DOCK8: variants seen among roughly 807,000 people sequenced by gnomAD.
DOCK8 encodes dedicator of cytokinesis 8, also known as dedicator of cytokinesis protein 8.
Under a neutral mutation model 245.6 loss-of-function variants are expected in DOCK8, and 141 were observed. The observed-to-expected ratio is 0.57, with a 90% CI of 0.50 to 0.66. The LOEUF (loss-of-function observed/expected upper bound fraction) is 0.66. Ranked by LOEUF, DOCK8 falls within the 30% of genes least tolerant of loss-of-function variation. The probability of loss-of-function intolerance (pLI) is 0.00; values close to 1 mark genes in which losing one functional copy is unlikely to be tolerated. For missense variants in DOCK8, 2,965 were observed against 2,603.4 expected, an observed-to-expected ratio of 1.14 and a Z score of -3.02; for synonymous variants, 1,168 against 970.2, an observed-to-expected ratio of 1.20 and a Z score of -3.79.
At chr9:288,290 T>C (rs533689565) in intron 3 of DOCK8, among the ~76,000 whole-genome samples, 17 of 152,254 alleles carry the variant, frequency 1.1e-4, no homozygotes, top group Admixed American at 6.5e-5. Context: ...GAACAACCTG[T>C]GCCTAGCCCA....
At chr9:345,905 G>A (rs1039382922) in intron 14 of DOCK8, among the ~76,000 whole-genome samples, 6 of 152,010 alleles carry the variant, frequency 3.9e-5, no homozygotes, top group African/African-American at 1.5e-4. Flanking sequence ...ATCCCCGTGG[G>A]TCCGTGAGGG....
intron 18 of DOCK8, among the ~76,000 whole-genome samples, chr9:374,024 G>A (rs1005348620): frequency 2.0e-5 from 3 of 152,202 alleles, no homozygotes; most frequent in Non-Finnish European, 2.9e-5. Context: ...ATGTTGGTGA[G>A]TTGCTTACCC....
rs1033171603 is a variant in DOCK8, at chr9:464,317, T to C, written c.*98T>C. 2.0e-6 allele frequency: 2 copies of C among 1,001,356 alleles called. No homozygotes were observed. The highest frequency in any genetic ancestry group is 1.7e-5 in the Admixed American group (1 of 58,636). The allele number at this position is 1,001,356 out of a possible 1,614,324, so 62.0% of individuals were successfully genotyped here. ...GGGACATTTGCCACCCAGGACTGACTGTACACTCCCTGATCAGCCAGCACT... is the reference window on the plus strand; with the variant it reads ...GGGACATTTGCCACCCAGGACTGACCGTACACTCCCTGATCAGCCAGCACT... On this transcript the variant is annotated 3_prime_UTR_variant, in exon 48 of 48. Transcript: ENST00000432829.
intron 1 of DOCK8, among the ~76,000 whole-genome samples, chr9:223,317 T>C (rs2046924266): frequency 1.3e-5 from 2 of 152,204 alleles, no homozygotes; most frequent in African/African-American, 2.4e-5. Context: ...ATTCATTTGT[T>C]CACTCATGCC....
At chr9:242,103 A>G (rs186853935) in intron 1 of DOCK8, among the ~76,000 whole-genome samples, 1 of 152,320 alleles carries the variant, frequency 6.6e-6, no homozygotes, top group South Asian at 2.1e-4. Flanking sequence ...CCTTAGACGA[A>G]TCATACATTT....
Position 333,414 on chromosome 9 carries a change from A to T in DOCK8, c.1126-811A>T, listed in dbSNP as rs530320401. On this transcript the variant is annotated intron_variant, in intron 10 of 47. Coordinates refer to ENST00000432829, the MANE Select transcript of DOCK8 (RefSeq NM_203447.4). ...CAGAAGATTGAGACCATCCTGGCCA[A>T]CACGGTGAAACCCCGTCTCTGCTAA... Among the ~76,000 whole-genome samples the T allele has an allele frequency of 2.6e-5, 4 of 152,254 alleles. No individual in the cohort carries two copies. The South Asian group carries it at 6.2e-4, about 24-fold the overall frequency.
chr9:273,231 C>T, intron 2 of DOCK8: 1 of 630,132 alleles, frequency 1.6e-6, no homozygotes, highest in Non-Finnish European at 2.0e-6. Flanking sequence ...GCCATTTTTT[C>T]AGAAAATCTA....
chr9:312,565 C>G (rs981837241), intron 6 of DOCK8: 8 of 374,906 alleles, frequency 2.1e-5, no homozygotes, highest in Non-Finnish European at 3.6e-5. Flanking sequence ...TTCTTTAGTG[C>G]TTTGTTACTT....
intron 1 of DOCK8, among the ~76,000 whole-genome samples, chr9:256,786 A>G (rs2047786697): frequency 6.7e-6 from 1 of 150,064 alleles, no homozygotes; most frequent in South Asian, 2.1e-4. Flanking sequence ...TTCAGTGCAC[A>G]TCAGAATAGA....
intron 5 of DOCK8, among the ~76,000 whole-genome samples, chr9:305,599 T>C (rs2049790218): frequency 6.6e-6 from 1 of 152,198 alleles, no homozygotes; most frequent in Non-Finnish European, 1.5e-5. Context: ...GTCATTATTC[T>C]TATAAAGTAA....
chr9:431,296 G>T (rs1418023333), intron 36 of DOCK8, among the ~76,000 whole-genome samples: 1 of 152,166 alleles, frequency 6.6e-6, no homozygotes, highest in Non-Finnish European at 1.5e-5. Context: ...TTGTGGCCAT[G>T]TTAATAAGTA....
intron 33 of DOCK8, among the ~76,000 whole-genome samples, chr9:422,806 G>A (rs1027063629): frequency 2.0e-5 from 3 of 152,090 alleles, no homozygotes; most frequent in African/African-American, 7.2e-5. Flanking sequence ...CCAACATGGT[G>A]AAACCCCGTC....
At chr9:282,494 C>T (rs1433220658) in intron 2 of DOCK8, among the ~76,000 whole-genome samples, 1 of 149,844 alleles carries the variant, frequency 6.7e-6, no homozygotes, top group Non-Finnish European at 1.5e-5. Flanking sequence ...TCACAGCTCA[C>T]TGCAGCCTCG....
intron 14 of DOCK8, among the ~76,000 whole-genome samples, chr9:359,519 T>C (rs1293638921): frequency 2.6e-5 from 4 of 152,236 alleles, no homozygotes; most frequent in East Asian, 1.9e-4. Context: ...ATATGAATGA[T>C]AAAATCATCT....
chr9:409,728 C>A (rs2055625483), intron 28 of DOCK8, among the ~76,000 whole-genome samples: 1 of 151,950 alleles, frequency 6.6e-6, no homozygotes, highest in Admixed American at 6.6e-5. Context: ...CTGTCCCTCC[C>A]CACTCCCCCC....
At chr9:301,998 C>A (rs1262347157) in intron 4 of DOCK8, among the ~76,000 whole-genome samples, 2 of 150,462 alleles carry the variant, frequency 1.3e-5, no homozygotes, top group African/African-American at 2.5e-5. Context: ...AAAAAAAAAA[C>A]CTATTCCAAA....
intron 22 of DOCK8, among the ~76,000 whole-genome samples, chr9:385,237 A>G (rs1459822504): frequency 6.6e-6 from 1 of 152,248 alleles, no homozygotes; most frequent in Admixed American, 6.5e-5. Context: ...TGGAACAGAA[A>G]TAGGACATGA....
At chr9:371,716 T>C in intron 17 of DOCK8, 150 bp downstream of exon 17, 1 of 1,112,896 alleles carries the variant, frequency 9.0e-7, no homozygotes, top group African/African-American at 1.6e-5. Flanking sequence ...GAGGCAGAAA[T>C]GATTTGCCTT....
At position 289,581 on chromosome 9, in the gene DOCK8, A is replaced by G. The variant is rs2048957703; in HGVS notation, c.404A>G (p.Lys135Arg). 1 of 1,609,730 alleles carries G rather than the reference A, an allele frequency of 6.2e-7. No homozygotes were observed. The highest frequency in any genetic ancestry group is 1.3e-5 in the African/African-American group (1 of 74,934). ...CGTGAGTGGCTAATCGTGAACCGGA[A>G]GTAAGTTACTTTTTTTCCACTTTTT... is the stretch of plus-strand genomic sequence containing the variant. The part of the protein sequence containing the change: ...YIREWLIVNR[K>R]NQGSPEICGF... The change falls in exon 4 of 48, where the codon AAA becomes AGA. Residue 135 changes from lysine to arginine, a missense_variant and splice_region_variant. Coordinates refer to ENST00000432829, the MANE Select transcript of DOCK8 (RefSeq NM_203447.4).
Sources: allele counts gnomAD v4.1 joint callset (sites outside exome capture counted in the v4.1 genomes callset), GRCh38; gene constraint gnomAD v4.1.1; transcripts MANE v1.5; gene names NCBI Gene and HGNC (gene_info 2026-07-23, HGNC 2026-07-21).